Variants in CPN2 observed in about 807,000 individuals in gnomAD.
CPN2 encodes carboxypeptidase N 83 kDa chain.
For synonymous variants in CPN2, 336 were observed against 318.4 expected, an observed-to-expected ratio of 1.06 and a Z score of -0.59; for missense variants, 620 against 671.4, an observed-to-expected ratio of 0.92 and a Z score of 0.85.
rs370583151 is a variant in CPN2, at chr3:194,341,731, G to A, written c.972C>T (p.Ala324=). The change falls in exon 2 of 2, where the codon GCC becomes GCT. Residue 324 remains alanine, a synonymous_variant. Coordinates refer to ENST00000323830, the MANE Select transcript of CPN2 (RefSeq NM_001080513.4). ...NLRSLMLSYN[A]ITHLPAGIFR... ...AGATGCCAGCTGGGAGGTGGGTAAT[G>A]GCATTGTATGAGAGCATGAGGGAAC... The A allele has an allele frequency of 6.1e-5, 99 of 1,614,028 alleles. No homozygotes were observed. Among genetic ancestry groups the A allele is most frequent in the Non-Finnish European group, 7.0e-5 (83 of 1,180,046 alleles).
At position 194,341,518 on chromosome 3, in the gene CPN2, G is replaced by T. The variant is rs781735657; in HGVS notation, c.1185C>A (p.Asn395Lys). ...YNLFNLALHG[N>K]PWQCDCHLAY... ...CCAGGTGGCAGTCGCACTGCCAGGGGTTACCGTGCAGGGCCAGGTTGAACA... is the reference window on the plus strand; with the variant it reads ...CCAGGTGGCAGTCGCACTGCCAGGGTTTACCGTGCAGGGCCAGGTTGAACA... The change falls in exon 2 of 2, where the codon AAC (asparagine) becomes AAA (lysine). Residue 395 changes from asparagine (N) to lysine (K), a missense_variant. Asn to Lys is a moderately conservative substitution (Grantham distance 94). Coordinates refer to ENST00000323830, the MANE Select transcript of CPN2 (RefSeq NM_001080513.4). 1.2e-6 allele frequency: 2 copies of T among 1,614,114 alleles called. No individual in the cohort carries two copies. The highest frequency in any genetic ancestry group is 2.7e-5 in the African/African-American group (2 of 74,934).
chr3:194,343,939 A>T (rs1174789018), intron 1 of CPN2, among the ~76,000 whole-genome samples: 2 of 152,252 alleles, frequency 1.3e-5, no homozygotes, highest in Non-Finnish European at 2.9e-5. Flanking sequence ...CTTTAGACGG[A>T]ATACACTTGA....
intron 1 of CPN2, among the ~76,000 whole-genome samples, chr3:194,349,775 CTTCTTTTTTTT>C (rs1713195389): frequency 4.8e-5 from 4 of 83,804 alleles, no homozygotes; most frequent in African/African-American, 1.4e-4. Flanking sequence ...TGACTACCCT[CTTCTTTTTTTT>C]TTTTTTTTTT....
intron 1 of CPN2, among the ~76,000 whole-genome samples, chr3:194,350,873 T>A (rs184699955): frequency 1.6e-4 from 24 of 151,406 alleles, no homozygotes; most frequent in Admixed American, 1.6e-3. Context: ...TTAGTATTAA[T>A]ATAGGATTAA....
At chr3:194,344,498 T>C (rs1161474003) in intron 1 of CPN2, among the ~76,000 whole-genome samples, 2 of 152,098 alleles carry the variant, frequency 1.3e-5, no homozygotes, top group African/African-American at 4.8e-5. Context: ...AGTTCAAGAT[T>C]AGCCTGGCCA....
chr3:194,349,937 G>A (rs2108652062), intron 1 of CPN2, among the ~76,000 whole-genome samples: 1 of 151,746 alleles, frequency 6.6e-6, no homozygotes, highest in South Asian at 2.1e-4. Flanking sequence ...GAGTAGTTGG[G>A]ATTACAGGCG....
At chr3:194,344,169 T>C (rs976449205) in intron 1 of CPN2, among the ~76,000 whole-genome samples, 4 of 152,294 alleles carry the variant, frequency 2.6e-5, no homozygotes, top group East Asian at 3.9e-4. Flanking sequence ...ATTAAACTCA[T>C]GGGTTTAGGA....
chr3:194,348,403 A>G lies in CPN2; in HGVS notation c.-4+2839T>C, dbSNP rs1713137330. The stretch of plus-strand genomic sequence containing the variant: ...AGTCCCAGTCTGCGACTGTAAACCA[A>G]GAACGACCATGATAACAATAATCAT... On this transcript the variant is annotated intron_variant, in intron 1 of 1. Transcript: ENST00000323830. Among the ~76,000 whole-genome samples the G allele has an allele frequency of 2.0e-5, 3 of 152,100 alleles. 1 individual carries two copies. In the South Asian group the frequency reaches 6.2e-4, roughly 32 times the overall value.
Position 194,341,156 on chromosome 3 carries a change from T to A in CPN2, c.1547A>T (p.Gln516Leu). 6.2e-7 allele frequency: 1 copy of A among 1,613,506 alleles called. No individual in the cohort carries two copies. Among genetic ancestry groups the A allele is most frequent in the Non-Finnish European group, 8.5e-7 (1 of 1,179,966 alleles). The change falls in exon 2 of 2, where the codon CAG becomes CTG. Residue 516 changes from glutamine (Q) to leucine (L), a missense_variant. Physicochemically the swap from Gln to Leu is moderately radical, Grantham distance 113 (BLOSUM62 -2). Coordinates refer to ENST00000323830, the MANE Select transcript of CPN2 (RefSeq NM_001080513.4). ...GTCCCACTCCTGACTAGCATTGTAC[T>A]GCAGTCCCAGGGAGCCCTGCTGAGG... Reference protein sequence around the residue: ...LSPQQGSLGLQYNASQEWDLR... With the variant: ...LSPQQGSLGLLYNASQEWDLR...
chr3:194,350,567 G>GA (rs1713230308), intron 1 of CPN2, among the ~76,000 whole-genome samples: 1 of 152,156 alleles, frequency 6.6e-6, no homozygotes, highest in Non-Finnish European at 1.5e-5. Flanking sequence ...ATAGTAAATA[G>GA]AAAGCCCTTA....
At position 194,342,831 on chromosome 3, in the gene CPN2, G is replaced by T. The variant is rs965429770; in HGVS notation, c.-3-126C>A. 2.6e-5 allele frequency: 15 copies of T among 576,738 alleles called. No individual in the cohort carries two copies. The South Asian group carries it at 3.7e-4, about 14-fold the overall frequency. 35.7% of individuals were successfully genotyped at this position (576,738 alleles called of 1,614,324 possible). On this transcript the variant is annotated intron_variant, in intron 1 of 1. Transcript: ENST00000323830. The stretch of plus-strand genomic sequence containing the variant: ...ACTGGACAGCGAGCTCCAACATGCG[G>T]CAGGACCAAGACCCAGGGCTTTGGG...
Position 194,342,113 on chromosome 3 carries a change from G to A in CPN2, c.590C>T (p.Thr197Ile). ...ELFHPLTSLQ[T>I]LKLSNNALSG... Reference sequence around the variant, plus strand: ...GAGCGCGTTGTTGCTCAGCTTCAGGGTCTGCAGGCTGGTGAGTGGGTGGAA... The same window carrying A: ...GAGCGCGTTGTTGCTCAGCTTCAGGATCTGCAGGCTGGTGAGTGGGTGGAA... The change falls in exon 2 of 2, where the codon ACC becomes ATC. Residue 197 changes from threonine (T) to isoleucine (I), a missense_variant. By Grantham distance (89) the Thr-to-Ile change is moderately conservative. Coordinates refer to ENST00000323830, the MANE Select transcript of CPN2 (RefSeq NM_001080513.4). 1.2e-6 allele frequency: 2 copies of A among 1,614,170 alleles called. No homozygotes were observed. Among genetic ancestry groups the A allele is most frequent in the Non-Finnish European group, 8.5e-7 (1 of 1,180,028 alleles).
chr3:194,342,142 C>T lies in CPN2; in HGVS notation c.561G>A (p.Glu187=). The T allele has an allele frequency of 1.2e-6, 2 of 1,614,096 alleles. No homozygotes were observed. The highest frequency in any genetic ancestry group is 1.3e-5 in the African/African-American group (1 of 75,024). The change falls in exon 2 of 2, where the codon GAG becomes GAA. Residue 187 remains glutamate, a synonymous_variant. Transcript: ENST00000323830. ...GCAGGCTGGTGAGTGGGTGGAACAG[C>T]TCCTCCGGGAGCTGGGCCAGGAGGT... ...AQNLLAQLPE[E]LFHPLTSLQT... is the part of the protein sequence containing the mutation.
At chr3:194,350,967 G>T (rs1713246206) in intron 1 of CPN2, among the ~76,000 whole-genome samples, 1 of 152,082 alleles carries the variant, frequency 6.6e-6, no homozygotes, top group Non-Finnish European at 1.5e-5. Context: ...CTGGACATCT[G>T]GTCACCCTGC....
chr3:194,350,255 T>A (rs1432695840), intron 1 of CPN2, among the ~76,000 whole-genome samples: 1 of 152,086 alleles, frequency 6.6e-6, no homozygotes, highest in Non-Finnish European at 1.5e-5. Context: ...AGCACCTGGC[T>A]CGGGGCCAGG....
intron 1 of CPN2, among the ~76,000 whole-genome samples, chr3:194,348,272 A>G (rs1481408917): frequency 1.1e-5 from 1 of 89,712 alleles, no homozygotes; most frequent in African/African-American, 4.9e-5. Flanking sequence ...TGCCCAGTTC[A>G]GCCCACCCCA....
At chr3:194,351,168 G>C (rs934321933) in intron 1 of CPN2, 74 bp downstream of exon 1, 1 of 152,296 alleles carries the variant, frequency 6.6e-6, no homozygotes, top group Non-Finnish European at 1.5e-5. Flanking sequence ...TGAAACGGGG[G>C]AGATCGCAAG....
At position 194,341,036 on chromosome 3, in the gene CPN2, C is replaced by G. The variant is rs747213007; in HGVS notation, c.*29G>C. ...GTCGCCTGGTCAGGCCCCAGAGGCC[C>G]CCTTCCCCAGCTCCTGTATGCGCTG... On this transcript the variant is annotated 3_prime_UTR_variant, in exon 2 of 2. Transcript: ENST00000323830. The G allele has an allele frequency of 4.6e-5, 71 of 1,558,986 alleles. No homozygotes were observed. Among genetic ancestry groups the G allele is most frequent in the Non-Finnish European group, 6.1e-5 (70 of 1,150,598 alleles).
At chr3:194,347,665 T>A in intron 1 of CPN2, among the ~76,000 whole-genome samples, 1 of 107,710 alleles carries the variant, frequency 9.3e-6, no homozygotes. Context: ...GCCCACCCCA[T>A]CCGCTGCCCA....
Sources: gnomAD v4.1 joint callset for allele counts (sites outside exome capture counted in the v4.1 genomes callset) on GRCh38, gnomAD v4.1.1 for gene constraint, MANE v1.5 for transcripts, NCBI Gene and HGNC (gene_info 2026-07-23, HGNC 2026-07-21) for gene names.